The following PCDHA3 variants were observed in gnomAD, a reference collection of about 807,000 sequenced individuals.
PCDHA3 encodes the protein protocadherin alpha-3.
A neutral mutation model predicts 62.2 loss-of-function variants in PCDHA3; 41 were observed. The observed-to-expected ratio is 0.66, with a 90% CI of 0.51 to 0.86. The LOEUF is 0.86. Ranked by LOEUF, PCDHA3 falls within the 40% of genes least tolerant of loss-of-function variation. The probability of loss-of-function intolerance (pLI) is 0.00; values close to 1 mark genes in which losing one functional copy is unlikely to be tolerated. For missense variants in PCDHA3, 1,304 were observed against 1,241.2 expected (o/e 1.05, Z -0.76); for synonymous variants, 640 against 555.4 (o/e 1.15, Z -2.14).
intron 1 of PCDHA3, chr5:140,966,229 A>T (rs1027352378): frequency 1.1e-5 from 3 of 277,852 alleles, no homozygotes; most frequent in African/African-American, 6.6e-5. Context: ...ATCTCCTTAA[A>T]GACCCGTTAA....
At chr5:140,967,406 G>A in intron 1 of PCDHA3, 1 of 1,613,006 alleles carries the variant, frequency 6.2e-7, no homozygotes, top group Non-Finnish European at 8.5e-7. Flanking sequence ...GCTGCGTAAG[G>A]GCCTAGACCG....
intron 1 of PCDHA3, chr5:140,830,278 G>T (rs2150184095): frequency 1.9e-6 from 3 of 1,613,832 alleles, no homozygotes; most frequent in East Asian, 4.5e-5. Flanking sequence ...CACCCACCGA[G>T]GGCGCGTGCA....
Position 140,807,398 on chromosome 5 carries a change from C to G in PCDHA3, c.2394+3807C>G. On this transcript the variant is annotated intron_variant, in intron 1 of 3. Transcript: ENST00000522353. ...CCTGTTCCGGGTGGCGTCCAAGGGC[C>G]GCGGAGGCCTTCTGGAGGTAAATCT... is the stretch of plus-strand genomic sequence containing the variant. 2.0e-6 allele frequency: 3 copies of G among 1,498,068 alleles called. 1 individual carries two copies. The highest frequency in any genetic ancestry group is 2.7e-6 in the Non-Finnish European group (3 of 1,094,234). 92.8% of individuals were successfully genotyped at this position (1,498,068 alleles called of 1,614,324 possible).
chr5:140,826,458 C>A (rs1001848895), intron 1 of PCDHA3, among the ~76,000 whole-genome samples: 2 of 152,138 alleles, frequency 1.3e-5, no homozygotes, highest in Admixed American at 6.5e-5. Flanking sequence ...GTGTCACAAT[C>A]ATCTGTGAGG....
At chr5:140,972,660 A>ATTTTTTTTTTTTTTTTTTTTTTTTTT (rs11350929) in intron 1 of PCDHA3, among the ~76,000 whole-genome samples, 1 of 117,268 alleles carries the variant, frequency 8.5e-6, no homozygotes, top group Non-Finnish European at 1.7e-5. Context: ...AAGAAACCAA[A>ATTTTTTTTTTTTTTTTTTTTTTTTTT]TTTTTTTTTT....
intron 1 of PCDHA3, among the ~76,000 whole-genome samples, chr5:140,839,882 T>G (rs2150166870): frequency 6.6e-6 from 1 of 152,128 alleles, no homozygotes; most frequent in South Asian, 2.1e-4. Context: ...ATGAATAGAA[T>G]TTTGACAGAA....
At chr5:140,877,159 C>G in intron 1 of PCDHA3, 2 of 1,613,818 alleles carry the variant, frequency 1.2e-6, no homozygotes, top group Non-Finnish European at 1.7e-6. Flanking sequence ...CGACAACGCG[C>G]CGGCACTGCT....
chr5:140,928,843 A>T (rs782153694), intron 1 of PCDHA3: 3 of 1,614,018 alleles, frequency 1.9e-6, no homozygotes, highest in Non-Finnish European at 2.5e-6. Flanking sequence ...CTCCTCTGTC[A>T]CTCTGGGTGT....
chr5:140,846,187 T>C (rs1336642667), intron 1 of PCDHA3, among the ~76,000 whole-genome samples: 1 of 149,366 alleles, frequency 6.7e-6, no homozygotes, highest in Non-Finnish European at 1.5e-5. Flanking sequence ...GGCGTTTGAG[T>C]TCTTTGTATG....
chr5:140,988,009 A>C (rs1223658003), intron 3 of PCDHA3, among the ~76,000 whole-genome samples: 3 of 152,204 alleles, frequency 2.0e-5, no homozygotes, highest in Non-Finnish European at 4.4e-5. Context: ...CCCCAGAAAG[A>C]AAGCATGATT....
chr5:140,967,828 C>T (rs2096188201), intron 1 of PCDHA3: 2 of 1,614,028 alleles, frequency 1.2e-6, no homozygotes, highest in Non-Finnish European at 1.7e-6. Flanking sequence ...TGCTGGTGGA[C>T]ATCGTGGACG....
chr5:140,966,712 TG>T, intron 1 of PCDHA3: 1 of 1,392,090 alleles, frequency 7.2e-7, no homozygotes, highest in South Asian at 1.6e-5. Context: ...GGGGCACGGC[TG>T]GGGAAGCTGC....
intron 1 of PCDHA3, among the ~76,000 whole-genome samples, chr5:140,839,319 G>A (rs1776149332): frequency 6.6e-6 from 1 of 151,778 alleles, no homozygotes; most frequent in Admixed American, 6.6e-5. Context: ...ATTTATATTG[G>A]GAAATACCTG....
chr5:140,887,242 G>A (rs1445154638), intron 1 of PCDHA3, among the ~76,000 whole-genome samples: 2 of 151,722 alleles, frequency 1.3e-5, no homozygotes, highest in African/African-American at 4.8e-5. Flanking sequence ...GACTACCGGC[G>A]CCCGCCACCA....
chr5:140,852,798 T>A, intron 1 of PCDHA3: 1 of 976,860 alleles, frequency 1.0e-6, no homozygotes, highest in Non-Finnish European at 1.2e-6. Context: ...GCTACAGATG[T>A]CATTTGTCTC....
intron 1 of PCDHA3, among the ~76,000 whole-genome samples, chr5:140,906,790 C>A (rs1381392314): frequency 6.6e-6 from 1 of 152,276 alleles, no homozygotes; most frequent in South Asian, 2.1e-4. Flanking sequence ...TTGTGTATTC[C>A]ATGCATACTC....
chr5:140,856,177 C>T (rs200004763), intron 1 of PCDHA3: 1 of 1,598,248 alleles, frequency 6.3e-7, no homozygotes, highest in Non-Finnish European at 8.6e-7. Context: ...ACGGCACCTT[C>T]GTGGGCCGCA....
In PCDHA3 at chr5:140,847,222, G is replaced by A. The variant is rs1156761082; in HGVS notation, c.2394+43631G>A. 2.0e-5 allele frequency among the ~76,000 whole-genome samples: 3 copies of A among 149,704 alleles called. 1 individual carries two copies. ...GGCCACTCTTTAGAATTAATTGGGA[G>A]CTATTTAACTACCTTGAGCAAAATA... On this transcript the variant is annotated intron_variant, in intron 1 of 3. Transcript: ENST00000522353.
chr5:140,872,703 G>C (rs1582092486), intron 1 of PCDHA3, among the ~76,000 whole-genome samples: 1 of 152,114 alleles, frequency 6.6e-6, no homozygotes, highest in Admixed American at 6.5e-5. Context: ...TGATTCCAAA[G>C]GAAACTAGGT....
Sources: gnomAD v4.1 joint callset for allele counts (sites outside exome capture counted in the v4.1 genomes callset) on GRCh38, gnomAD v4.1.1 for gene constraint, MANE v1.5 for transcripts, NCBI Gene and HGNC (gene_info 2026-07-23, HGNC 2026-07-21) for gene names.